RCL1: variants seen among roughly 807,000 people sequenced by gnomAD.
The protein encoded by RCL1 is RNA terminal phosphate cyclase like 1.
RCL1 carries 24 observed loss-of-function variants against 42.4 expected under a neutral mutation model. The observed-to-expected ratio is 0.57, with a 90% confidence interval of 0.41 to 0.80. The LOEUF (loss-of-function observed/expected upper bound fraction) is 0.80, where lower values mean the gene tolerates loss of function less well. RCL1 is among the 30% of genes least tolerant of loss of function. The probability of loss-of-function intolerance (pLI) is 0.00; values close to 1 mark genes in which losing one functional copy is unlikely to be tolerated. For synonymous variants in RCL1, 228 were observed against 177.3 expected (o/e 1.29, Z -2.27); for missense variants, 578 against 467.9 (o/e 1.24, Z -2.17).
intron 1 of RCL1, among the ~76,000 whole-genome samples, chr9:4,813,565 T>G (rs1816257382): frequency 6.6e-6 from 1 of 152,088 alleles, no homozygotes; most frequent in African/African-American, 2.4e-5. Context: ...TGTGAAGAAA[T>G]AGGAACACTT....
At chr9:4,832,663 C>A (rs890439897) in intron 3 of RCL1, among the ~76,000 whole-genome samples, 1 of 151,856 alleles carries the variant, frequency 6.6e-6, no homozygotes, top group East Asian at 1.9e-4. Flanking sequence ...CAAAAATTAG[C>A]TGGGCGTGGT....
chr9:4,808,202 A>G (rs994679229), intron 1 of RCL1, among the ~76,000 whole-genome samples: 1 of 152,000 alleles, frequency 6.6e-6, no homozygotes, highest in Non-Finnish European at 1.5e-5. Context: ...TTTTCTTTGC[A>G]TATTTTACAG....
chr9:4,848,398 G>A (rs574978485), intron 7 of RCL1, among the ~76,000 whole-genome samples: 1 of 152,282 alleles, frequency 6.6e-6, no homozygotes, highest in Admixed American at 6.5e-5. Context: ...GAGAATTTCA[G>A]AGTGTCTGTA....
intron 1 of RCL1, among the ~76,000 whole-genome samples, chr9:4,799,712 A>T (rs1448726297): frequency 6.6e-6 from 1 of 152,076 alleles, no homozygotes; most frequent in African/African-American, 2.4e-5. Flanking sequence ...AATTAAAAAA[A>T]TTTTTAAAAA....
chr9:4,829,892 T>C (rs1278405362), intron 3 of RCL1, among the ~76,000 whole-genome samples: 2 of 152,208 alleles, frequency 1.3e-5, no homozygotes, highest in Non-Finnish European at 2.9e-5. Context: ...AGCTTTCAGC[T>C]GGACACAGGT....
chr9:4,849,415 T>C (rs1380502224), intron 7 of RCL1, 32 bp from the exon 8 acceptor site: 1 of 1,541,900 alleles, frequency 6.5e-7, no homozygotes, highest in Non-Finnish European at 9.0e-7. Flanking sequence ...TTCCATTTTC[T>C]GGTTTGTACA....
intron 1 of RCL1, among the ~76,000 whole-genome samples, chr9:4,817,139 T>A (rs547354066): frequency 9.7e-5 from 1 of 10,292 alleles, no homozygotes; most frequent in East Asian, 9.8e-3. Flanking sequence ...TTTCTTTGAA[T>A]GTTGGGGAAA....
chr9:4,855,851 A>G (rs1354224702), intron 8 of RCL1, among the ~76,000 whole-genome samples: 4 of 152,056 alleles, frequency 2.6e-5, no homozygotes, highest in Admixed American at 2.6e-4. Flanking sequence ...GGCTACAAAT[A>G]CCCCAAACTT....
chr9:4,830,853 T>C (rs1470785843), intron 3 of RCL1, among the ~76,000 whole-genome samples: 1 of 152,226 alleles, frequency 6.6e-6, no homozygotes, highest in Non-Finnish European at 1.5e-5. Flanking sequence ...GACTGCGCTG[T>C]AATGGTAATA....
At chr9:4,835,256 A>C (rs1002255698) in intron 5 of RCL1, among the ~76,000 whole-genome samples, 6 of 152,244 alleles carry the variant, frequency 3.9e-5, no homozygotes, top group African/African-American at 1.4e-4. Flanking sequence ...GAGGCCACCA[A>C]AACTTGAAAG....
intron 1 of RCL1, among the ~76,000 whole-genome samples, chr9:4,797,203 A>G (rs1037203437): frequency 7.2e-5 from 11 of 152,198 alleles, no homozygotes; most frequent in Admixed American, 5.2e-4. Context: ...TCACAGGGTT[A>G]TTGTGAGGAC....
intron 1 of RCL1, among the ~76,000 whole-genome samples, chr9:4,815,137 A>G (rs1307661212): frequency 3.3e-5 from 5 of 152,136 alleles, no homozygotes; most frequent in African/African-American, 1.2e-4. Context: ...TGAGCTTCCT[A>G]GATCTGTATG....
chr9:4,844,329 A>G lies in RCL1; in HGVS notation c.711-196A>G, dbSNP rs191471911. On this transcript the variant is annotated intron_variant, in intron 6 of 8. Coordinates refer to ENST00000381750, the MANE Select transcript of RCL1 (RefSeq NM_005772.5). ...TCAAATCTTAAAATTTTGTGGAGAGATGCTTGTTTTTGGACTGATTTTCTT... is the reference window on the plus strand; with the variant it reads ...TCAAATCTTAAAATTTTGTGGAGAGGTGCTTGTTTTTGGACTGATTTTCTT... Among the ~76,000 whole-genome samples, 12 of 152,248 alleles carry G rather than the reference A, an allele frequency of 7.9e-5. No individual in the cohort carries two copies. In the East Asian group the frequency reaches 1.7e-3, roughly 22 times the overall value.
At position 4,849,550 on chromosome 9, in the gene RCL1, C is replaced by A; in HGVS notation, c.971C>A (p.Thr324Lys). Residue 324 changes from threonine to lysine, a missense_variant and splice_region_variant, in exon 8 of 9, where the codon ACG becomes AAG. Thr to Lys is a moderately conservative substitution (Grantham distance 78). Transcript: ENST00000381750. ...CTGCTAGGCCCTCTCTCTCCCTACA[C>A]GTAAGTTATTCTTTTTCAACCTCGT... ...KVLLGPLSPY[T>K]IEFLRHLKSF... 6.2e-7 allele frequency: 1 copy of A among 1,605,122 alleles called. No homozygotes were observed. Among genetic ancestry groups the A allele is most frequent in the Non-Finnish European group, 8.5e-7 (1 of 1,171,868 alleles).
intron 1 of RCL1, among the ~76,000 whole-genome samples, chr9:4,814,346 C>G (rs1816295502): frequency 6.6e-6 from 1 of 151,978 alleles, no homozygotes; most frequent in Non-Finnish European, 1.5e-5. Flanking sequence ...TGCAGTGATA[C>G]AAGCATAGTT....
rs144690811 is a variant in RCL1, at chr9:4,856,591, A to C, written c.972-3534A>C. On this transcript the variant is annotated intron_variant, in intron 8 of 8. Coordinates refer to ENST00000381750, the MANE Select transcript of RCL1 (RefSeq NM_005772.5). ...GATGGGGAAGGGGACAGTGATACAT[A>C]AGCATTTAATTAGACACCATGAGCA... Among the ~76,000 whole-genome samples the C allele has an allele frequency of 7.8e-3, 1,191 of 152,306 alleles. 12 individuals are homozygous for C. The highest frequency in any genetic ancestry group is 0.027 in the African/African-American group (1,126 of 41,552).
Position 4,844,604 on chromosome 9 carries a change from C to A in RCL1, c.790C>A (p.Gln264Lys). ...FLSAELASNP[Q>K]GQGAAVLPED... The stretch of plus-strand genomic sequence containing the variant: ...CAGTGCTGAACTGGCCTCCAACCCC[C>A]AGGGCCAGGGAGCAGCAGTACTTCC... The change falls in exon 7 of 9, where the codon CAG becomes AAG. Residue 264 changes from glutamine (Q) to lysine (K), a missense_variant. Gln to Lys is a moderately conservative substitution (Grantham distance 53, BLOSUM62 1). Transcript: ENST00000381750. 6.2e-7 allele frequency: 1 copy of A among 1,614,102 alleles called. No homozygotes were observed. The highest frequency in any genetic ancestry group is 8.5e-7 in the Non-Finnish European group (1 of 1,179,986).
chr9:4,828,477 A>G (rs1334873790), intron 3 of RCL1, among the ~76,000 whole-genome samples: 1 of 151,966 alleles, frequency 6.6e-6, no homozygotes, highest in Non-Finnish European at 1.5e-5. Context: ...TACTGAGTAT[A>G]GTACAAGATC....
chr9:4,859,537 A>C (rs996247278), intron 8 of RCL1, among the ~76,000 whole-genome samples: 2 of 152,176 alleles, frequency 1.3e-5, no homozygotes, highest in Non-Finnish European at 2.9e-5. Context: ...ATATTAAGTA[A>C]ATGCGAGGGT....
Sources: gnomAD v4.1 joint callset for allele counts (sites outside exome capture counted in the v4.1 genomes callset) on GRCh38, gnomAD v4.1.1 for gene constraint, MANE v1.5 for transcripts, NCBI Gene and HGNC (gene_info 2026-07-23, HGNC 2026-07-21) for gene names.